LAMA5: variants seen among roughly 807,000 people sequenced by gnomAD.
LAMA5 encodes laminin subunit alpha 5, also known as laminin subunit alpha-5.
A neutral mutation model predicts 433.4 loss-of-function variants in LAMA5; 260 were observed. That is an observed-to-expected ratio of 0.60 (90% CI 0.54 to 0.66). The LOEUF (loss-of-function observed/expected upper bound fraction) is 0.66. Among genes scored for constraint, LAMA5 ranks in the 30% least tolerant of loss-of-function variants. LAMA5 has a pLI of 0.00. For synonymous variants in LAMA5, 2,620 were observed against 2,226.6 expected (o/e 1.18, Z -4.97); for missense variants, 5,378 against 5,258.5 (o/e 1.02, Z -0.70).
chr20:62,365,567 A>G (rs1210917697), intron 1 of LAMA5, among the ~76,000 whole-genome samples: 1 of 151,142 alleles, frequency 6.6e-6, no homozygotes, highest in Non-Finnish European at 1.5e-5. Flanking sequence ...GCAAAATCTC[A>G]GCTGGGGACA....
Position 62,334,655 on chromosome 20 carries a change from TG to T in LAMA5, c.2483-35del, listed in dbSNP as rs572179871. The T allele has an allele frequency of 7.8e-3, 11,887 of 1,521,350 alleles. 61 individuals are homozygous for T. The highest frequency in any genetic ancestry group is 9.2e-3 in the Non-Finnish European group (10,352 of 1,131,258). The allele number at this position is 1,521,350 out of a possible 1,614,324, so 94.2% of individuals were successfully genotyped here. A position where few individuals can be genotyped will look rare whatever the true frequency, so the allele number is the denominator to read the frequency against. On this transcript the variant is annotated intron_variant, in intron 20 of 79. Transcript: ENST00000252999. The stretch of plus-strand genomic sequence containing the variant: ...AGAAGGTGGGAGGTCAGAGGCTGCC[TG>T]GCCCCCACCCAGCCTCAGGGGCCCC...
In LAMA5 at chr20:62,319,769, G is replaced by T; in HGVS notation, c.6786C>A (p.Ser2262Arg). 1 of 1,547,906 alleles carries T rather than the reference G, an allele frequency of 6.5e-7. No individual in the cohort carries two copies. Among genetic ancestry groups the T allele is most frequent in the South Asian group, 1.2e-5 (1 of 84,096 alleles). The change falls in exon 51 of 80, where the codon AGC (serine) becomes AGA (arginine). Residue 2262 changes from serine to arginine, a missense_variant. Transcript: ENST00000252999. The stretch of plus-strand genomic sequence containing the variant: ...TGGCCTCGGTGCCGGCCAGCAATTG[G>T]CTCGCCTGGTCTCGGGTCCCCACGG... ...GQAVGTRDQASQLLAGTEATL... is the reference protein window; with the variant it reads ...GQAVGTRDQARQLLAGTEATL...
intron 38 of LAMA5, 98 bp from the exon 39 acceptor site, chr20:62,327,064 G>T: frequency 8.9e-7 from 1 of 1,126,932 alleles, no homozygotes; most frequent in Non-Finnish European, 1.3e-6. Context: ...AGAGCCCTGT[G>T]CTGGGCCTGG....
chr20:62,324,113 C>T lies in LAMA5; in HGVS notation c.5735G>A (p.Ser1912Asn). The change falls in exon 43 of 80, where the codon AGC becomes AAC. Residue 1912 changes from serine (S) to asparagine (N), a missense_variant. Ser to Asn is a conservative substitution (Grantham distance 46). Transcript: ENST00000252999. The surrounding 1 kb of genome is among the most constrained non-coding windows in gnomAD (Gnocchi z 4.4). ...SRDDPSAPCV[S>N]CPCPLSVPSN... Reference sequence around the variant, plus strand: ...AGGCACTGAGAGGGGGCAGGGGCAGCTGACACAGGGGGCGCTGGGGTCGTC... The same window carrying T: ...AGGCACTGAGAGGGGGCAGGGGCAGTTGACACAGGGGGCGCTGGGGTCGTC... 1.3e-6 allele frequency: 2 copies of T among 1,520,088 alleles called. No individual in the cohort carries two copies. Among genetic ancestry groups the T allele is most frequent in the Non-Finnish European group, 1.8e-6 (2 of 1,136,818 alleles). 94.2% of individuals were successfully genotyped at this position (1,520,088 alleles called of 1,614,324 possible). A position where few individuals can be genotyped will look rare whatever the true frequency, so the allele number is the denominator to read the frequency against.
intron 46 of LAMA5, 82 bp downstream of exon 46, chr20:62,322,576 C>T (rs1978459095): frequency 2.1e-6 from 3 of 1,417,130 alleles, no homozygotes; most frequent in African/African-American, 1.4e-5. Context: ...TGCCCCTCAG[C>T]CCCACCTATC....
chr20:62,322,474 C>A, intron 46 of LAMA5, 25 bp from the exon 47 acceptor site: 1 of 1,555,214 alleles, frequency 6.4e-7, no homozygotes, highest in African/African-American at 1.4e-5. Flanking sequence ...GGTCACTGCC[C>A]TGCCCAGCCC....
At position 62,330,480 on chromosome 20, in the gene LAMA5, A is replaced by T. The variant is rs748926920; in HGVS notation, c.3979+8T>A. The T allele has an allele frequency of 6.5e-7, 1 of 1,539,144 alleles. No individual in the cohort carries two copies. Among genetic ancestry groups the T allele is most frequent in the East Asian group, 2.4e-5 (1 of 41,560 alleles). On this transcript the variant is annotated splice_region_variant and intron_variant, in intron 31 of 79. Coordinates refer to ENST00000252999, the MANE Select transcript of LAMA5 (RefSeq NM_005560.6). Reference sequence around the variant, plus strand: ...GTAGCCTCTCCACCCCCCACACCAGACACTCACCCTGCCACACGCGGCCGG... The same window carrying T: ...GTAGCCTCTCCACCCCCCACACCAGTCACTCACCCTGCCACACGCGGCCGG...
chr20:62,309,555 C>T, intron 79 of LAMA5, 80 bp from the exon 80 acceptor site: 2 of 1,147,026 alleles, frequency 1.7e-6, no homozygotes, highest in Non-Finnish European at 2.3e-6. Context: ...CGTCAGTGCC[C>T]CACCCAGCCC....
At chr20:62,345,703 A>G (rs1983251684) in intron 11 of LAMA5, 115 bp downstream of exon 11, 3 of 754,208 alleles carry the variant, frequency 4.0e-6, no homozygotes, top group Non-Finnish European at 6.5e-6. Flanking sequence ...AAAAAGAAAT[A>G]AGCCAAAAAT....
At chr20:62,331,798 T>C (rs1171069273) in intron 28 of LAMA5, among the ~76,000 whole-genome samples, 1 of 152,196 alleles carries the variant, frequency 6.6e-6, no homozygotes, top group Non-Finnish European at 1.5e-5. Flanking sequence ...CTGTCTGTAA[T>C]CCCAGCATTT....
chr20:62,322,769 G>T lies in LAMA5; in HGVS notation c.6065-11C>A, dbSNP rs1978513097. 1 of 1,454,878 alleles carries T rather than the reference G, an allele frequency of 6.9e-7. No homozygotes were observed. Among genetic ancestry groups the T allele is most frequent in the Non-Finnish European group, 9.1e-7 (1 of 1,099,234 alleles). The allele number at this position is 1,454,878 out of a possible 1,614,324, so 90.1% of individuals were successfully genotyped here. The stretch of plus-strand genomic sequence containing the variant: ...GGGTACAGTCGCACCCTGCAGAAGG[G>T]GTCCGTGACTGCAGCCCTGGGCCCT... On this transcript the variant is annotated splice_polypyrimidine_tract_variant and intron_variant, in intron 45 of 79. Transcript: ENST00000252999.
At position 62,325,421 on chromosome 20, in the gene LAMA5, C is replaced by T. The variant is rs577422399; in HGVS notation, c.5424G>A (p.Leu1808=). 3 of 1,612,354 alleles carry T rather than the reference C, an allele frequency of 1.9e-6. No individual in the cohort carries two copies. Among genetic ancestry groups the T allele is most frequent in the African/African-American group, 2.7e-5 (2 of 75,018 alleles). Residue 1808 remains leucine (L), a synonymous_variant, in exon 41 of 80, where the codon CTG becomes CTA. Coordinates refer to ENST00000252999, the MANE Select transcript of LAMA5 (RefSeq NM_005560.6). ...LFSQISSAVF[L]RRVALEVASP... ...TGGCCACCTCCAGTGCCACCCTGCG[C>T]AGGAAGACAGCCGAGGAGATCTGTG...
intron 48 of LAMA5, 80 bp from the exon 49 acceptor site, chr20:62,320,970 T>C: frequency 6.7e-7 from 1 of 1,487,800 alleles, no homozygotes; most frequent in East Asian, 2.3e-5. Flanking sequence ...CTGGGGTCAT[T>C]AGGGTGGGGA....
intron 1 of LAMA5, among the ~76,000 whole-genome samples, chr20:62,366,725 G>A (rs753623827): frequency 2.0e-5 from 3 of 152,176 alleles, no homozygotes; most frequent in Non-Finnish European, 4.4e-5. Flanking sequence ...AGCCGCCCCC[G>A]GGTCCATGCC....
intron 75 of LAMA5, 22 bp downstream of exon 75, chr20:62,310,643 G>T (rs764899311): frequency 1.9e-6 from 3 of 1,596,892 alleles, no homozygotes; most frequent in South Asian, 2.2e-5. Context: ...GGGAGTGGGG[G>T]CTGGGGCAAG....
Position 62,326,974 on chromosome 20 carries a change from C to A in LAMA5, c.5113-8G>T. Reference sequence around the variant, plus strand: ...CCCACCGTAGGATGACACCTGGAGGCAGGACAGACAGAGGTGACCTGGCCA... The same window carrying A: ...CCCACCGTAGGATGACACCTGGAGGAAGGACAGACAGAGGTGACCTGGCCA... On this transcript the variant is annotated splice_region_variant and splice_polypyrimidine_tract_variant and intron_variant, in intron 38 of 79. Coordinates refer to ENST00000252999, the MANE Select transcript of LAMA5 (RefSeq NM_005560.6). 1 of 1,585,570 alleles carries A rather than the reference C, an allele frequency of 6.3e-7. No homozygotes were observed. The highest frequency in any genetic ancestry group is 8.6e-7 in the Non-Finnish European group (1 of 1,159,074).
intron 3 of LAMA5, 65 bp from the exon 4 acceptor site, chr20:62,352,425 C>G (rs1176231763): frequency 7.6e-7 from 1 of 1,321,290 alleles, no homozygotes; most frequent in South Asian, 1.2e-5. Context: ...CCGCGGTGCC[C>G]GGGCCCCTTG....
chr20:62,313,485 G>A (rs1490775818), intron 63 of LAMA5, 25 bp from the exon 64 acceptor site: 1 of 1,581,956 alleles, frequency 6.3e-7, no homozygotes, highest in South Asian at 1.2e-5. Flanking sequence ...CTGGGTCAGG[G>A]CACCTGGCCT....
Position 62,318,554 on chromosome 20 carries a change from C to T in LAMA5, c.7139G>A (p.Gly2380Asp). The change falls in exon 53 of 80, where the codon GGC (glycine) becomes GAC (aspartate). Residue 2380 changes from glycine to aspartate, a missense_variant. By Grantham distance (94) the Gly-to-Asp change is moderately conservative. Transcript: ENST00000252999. ...TRDRLAQHEA[G>D]LMDLREALNR... ...CAAAGCCTCTCGCAGGTCCATGAGG[C>T]CGGCCTCGTGCTGGGCCAGCCGGTC... 1.9e-6 allele frequency: 3 copies of T among 1,610,218 alleles called. No homozygotes were observed. Among genetic ancestry groups the T allele is most frequent in the African/African-American group, 2.7e-5 (2 of 74,848 alleles).
Sources: allele counts gnomAD v4.1 joint callset (sites outside exome capture counted in the v4.1 genomes callset), GRCh38; gene constraint gnomAD v4.1.1; non-coding constraint Gnocchi (gnomAD v3.1); transcripts MANE v1.5; gene names NCBI Gene and HGNC (gene_info 2026-07-23, HGNC 2026-07-21).